Variants in QTMAN observed in about 807,000 individuals in gnomAD.
QTMAN encodes tRNA-queuosine alpha-mannosyltransferase.
the QTMAN span, among the ~76,000 whole-genome samples, chr2:144,207,402 T>C: frequency 6.6e-6 from 1 of 152,178 alleles, no homozygotes; most frequent in Non-Finnish European, 1.5e-5. Flanking sequence ...CACAAGCTGC[T>C]ATGTCTCCTG....
chr2:144,092,796 A>G, the QTMAN span, among the ~76,000 whole-genome samples: 471 of 152,204 alleles, frequency 3.1e-3, 4 homozygotes, highest in African/African-American at 0.011. Flanking sequence ...AACATATTAT[A>G]TATCATAGGG....
At chr2:144,124,655 T>C in the QTMAN span, among the ~76,000 whole-genome samples, 1 of 152,062 alleles carries the variant, frequency 6.6e-6, no homozygotes, top group Non-Finnish European at 1.5e-5. Flanking sequence ...CCAAAGTTTA[T>C]TCCTCAAACA....
At chr2:144,227,051 C>T in the QTMAN span, among the ~76,000 whole-genome samples, 1 of 151,998 alleles carries the variant, frequency 6.6e-6, no homozygotes, top group Non-Finnish European at 1.5e-5. Context: ...TAAAGCTGCC[C>T]GTCTAAGAAT....
chr2:144,330,837 C>T, the QTMAN span, among the ~76,000 whole-genome samples: 1 of 152,138 alleles, frequency 6.6e-6, no homozygotes, highest in African/African-American at 2.4e-5. Context: ...AAACTGTCTT[C>T]GATTCTTAAT....
the QTMAN span, among the ~76,000 whole-genome samples, chr2:144,254,473 C>T: frequency 5.3e-5 from 8 of 152,064 alleles, no homozygotes; most frequent in African/African-American, 1.9e-4. Context: ...TGGGAACCTC[C>T]ACCTATATTT....
At chr2:144,208,759 G>A in the QTMAN span, 1 of 1,612,828 alleles carries the variant, frequency 6.2e-7, no homozygotes, top group Non-Finnish European at 8.5e-7. Flanking sequence ...TCCATAGAAT[G>A]CTTCAATGAT....
chr2:144,215,781 A>T, the QTMAN span, among the ~76,000 whole-genome samples: 1 of 152,136 alleles, frequency 6.6e-6, no homozygotes, highest in African/African-American at 2.4e-5. Flanking sequence ...TCATCTCACC[A>T]CTCATTTAAA....
chr2:143,984,846 C>G, the QTMAN span, among the ~76,000 whole-genome samples: 1 of 152,294 alleles, frequency 6.6e-6, no homozygotes, highest in East Asian at 1.9e-4. Flanking sequence ...TTCCAGCTCC[C>G]CTTCCCACTG....
the QTMAN span, among the ~76,000 whole-genome samples, chr2:144,255,891 A>G: frequency 1.3e-5 from 2 of 152,214 alleles, no homozygotes; most frequent in African/African-American, 4.8e-5. Context: ...CTATTGTAAC[A>G]AACACACACC....
the QTMAN span, among the ~76,000 whole-genome samples, chr2:144,233,015 C>CT: frequency 6.6e-6 from 1 of 152,100 alleles, no homozygotes; most frequent in African/African-American, 2.4e-5. Context: ...AGTTCACTTG[C>CT]TTATCTACCA....
chr2:144,320,585 C>T, the QTMAN span, among the ~76,000 whole-genome samples: 1 of 152,122 alleles, frequency 6.6e-6, no homozygotes, highest in Non-Finnish European at 1.5e-5. Flanking sequence ...TTCCAGTTCT[C>T]CAACTTTGGC....
At chr2:144,171,103 T>C in the QTMAN span, among the ~76,000 whole-genome samples, 1 of 152,318 alleles carries the variant, frequency 6.6e-6, no homozygotes, top group South Asian at 2.1e-4. Flanking sequence ...AAAGTGAAGA[T>C]AATCACCTTA....
At chr2:144,328,809 T>C in the QTMAN span, among the ~76,000 whole-genome samples, 2 of 152,210 alleles carry the variant, frequency 1.3e-5, no homozygotes, top group South Asian at 4.1e-4. Flanking sequence ...CTATGAAAGC[T>C]ATTACCTCTA....
the QTMAN span, among the ~76,000 whole-genome samples, chr2:144,019,872 T>C: frequency 6.6e-6 from 1 of 152,170 alleles, no homozygotes; most frequent in African/African-American, 2.4e-5. Flanking sequence ...GGAAACTAAC[T>C]AAACTGACTT....
the QTMAN span, among the ~76,000 whole-genome samples, chr2:144,177,909 T>C: frequency 3.0e-4 from 45 of 152,220 alleles, no homozygotes; most frequent in Admixed American, 2.9e-3. Flanking sequence ...ATTCTTTATT[T>C]GAAATCTTTT....
chr2:143,951,695 G>A, the QTMAN span, among the ~76,000 whole-genome samples: 57 of 151,446 alleles, frequency 3.8e-4, 2 homozygotes, highest in East Asian at 0.011. Context: ...CATTAATTCA[G>A]GTTCATTTTT....
chr2:144,129,155 A>G, the QTMAN span, among the ~76,000 whole-genome samples: 1 of 151,948 alleles, frequency 6.6e-6, no homozygotes, highest in Non-Finnish European at 1.5e-5. Context: ...GAATAGACCC[A>G]TCTTTTACTC....
chr2:143,958,863 C>A, the QTMAN span, among the ~76,000 whole-genome samples: 11 of 148,358 alleles, frequency 7.4e-5, no homozygotes, highest in Non-Finnish European at 3.0e-5. Flanking sequence ...TTAAATCTTG[C>A]TGACTCACTT....
chr2:143,946,398 T>G, the QTMAN span: 1 of 152,312 alleles, frequency 6.6e-6, no homozygotes, highest in Non-Finnish European at 1.5e-5. Context: ...GACCTCTTAT[T>G]AATACCTTCA....
Sources: gnomAD v4.1 joint callset for allele counts (sites outside exome capture counted in the v4.1 genomes callset) on GRCh38, gnomAD v4.1.1 for gene constraint, MANE v1.5 for transcripts, NCBI Gene and HGNC (gene_info 2026-07-23, HGNC 2026-07-21) for gene names.